RBMS1: variants seen among roughly 807,000 people sequenced by gnomAD.
The protein encoded by RBMS1 is RNA binding motif single stranded interacting protein 1, also known as RNA-binding motif, single-stranded-interacting protein 1.
Under a neutral mutation model 62.3 loss-of-function variants are expected in RBMS1, and 17 were observed. That is an observed-to-expected ratio of 0.27 (90% confidence interval 0.19 to 0.41). The LOEUF (loss-of-function observed/expected upper bound fraction) is 0.41, where lower values mean the gene tolerates loss of function less well. Among genes scored for constraint, RBMS1 ranks in the 10% least tolerant of loss-of-function variants. The probability of loss-of-function intolerance (pLI) is 1.00; values close to 1 mark genes in which losing one functional copy is unlikely to be tolerated. For synonymous variants in RBMS1, 172 were observed against 170.0 expected (o/e 1.01, Z -0.09); for missense variants, 334 against 504.5 (o/e 0.66, Z 3.24).
In RBMS1 at chr2:160,275,639, A is replaced by G. The variant is rs1163107127; in HGVS notation, c.1219T>C (p.Ter407GlnextTer2). 3 of 1,613,352 alleles carry G rather than the reference A, an allele frequency of 1.9e-6. No homozygotes were observed. The highest frequency in any genetic ancestry group is 1.3e-5 in the African/African-American group (1 of 74,884). Residue 407 changes from the stop codon to glutamine, a stop_lost, in exon 13 of 14, where the codon TAA becomes CAA. Coordinates refer to ENST00000348849, the MANE Select transcript of RBMS1 (RefSeq NM_016836.4). ...HSPYTFQPNK[*>Q] ...GACCTTTCCCTCATACCTCACAGTT[A>G]CTTATTAGGTTGAAAGGTATATGGA...
rs756058655 is a variant in RBMS1, at chr2:160,281,373, G to C, written c.901-9C>G. ...CACGAAGGACTTTGCACCTAGAAAA[G>C]GGAGGATTTTGAAAGAAATATTGAT... On this transcript the variant is annotated splice_polypyrimidine_tract_variant and intron_variant, in intron 9 of 13. Transcript: ENST00000348849. The C allele has an allele frequency of 2.5e-6, 4 of 1,602,138 alleles. No individual in the cohort carries two copies. The African/African-American group carries it at 5.4e-5, about 21-fold the overall frequency.
intron 7 of RBMS1, among the ~76,000 whole-genome samples, chr2:160,285,547 AAT>A (rs1688337297): frequency 6.6e-6 from 1 of 152,098 alleles, no homozygotes; most frequent in South Asian, 2.1e-4. Flanking sequence ...TTCTTGGATC[AAT>A]ATGTTATTGT....
At chr2:160,335,559 A>G (rs4410242) in intron 2 of RBMS1, among the ~76,000 whole-genome samples, 114,163 of 152,144 alleles carry the variant, frequency 0.75, 43,544 homozygotes, top group East Asian at 0.84. Flanking sequence ...AAGCTAAAGT[A>G]TGTTTGGGTT....
At chr2:160,352,641 C>T (rs1015549583) in intron 2 of RBMS1, among the ~76,000 whole-genome samples, 2 of 152,104 alleles carry the variant, frequency 1.3e-5, no homozygotes, top group African/African-American at 2.4e-5. Context: ...TGTAACTCTG[C>T]GTTGGTATTC....
chr2:160,342,387 G>A (rs912625529), intron 2 of RBMS1, among the ~76,000 whole-genome samples: 1 of 152,122 alleles, frequency 6.6e-6, no homozygotes, highest in Non-Finnish European at 1.5e-5. Flanking sequence ...TTAAGACTAA[G>A]TTAGAGTCAC....
At chr2:160,381,285 G>A (rs532303864) in intron 1 of RBMS1, among the ~76,000 whole-genome samples, 64 of 151,940 alleles carry the variant, frequency 4.2e-4, no homozygotes, top group African/African-American at 1.5e-3. Context: ...TAGTAAAATG[G>A]GTAAAAATGG....
At chr2:160,311,232 CTATATA>C (rs10530445) in intron 4 of RBMS1, among the ~76,000 whole-genome samples, 28 of 79,250 alleles carry the variant, frequency 3.5e-4, no homozygotes, top group African/African-American at 1.1e-3. Context: ...ATCTATCTAT[CTATATA>C]TATATATATA....
At chr2:160,276,977 A>C (rs1437229698) in intron 12 of RBMS1, among the ~76,000 whole-genome samples, 1 of 152,186 alleles carries the variant, frequency 6.6e-6, no homozygotes, top group East Asian at 1.9e-4. Context: ...TCCAGGGCTC[A>C]AGGGTTCTTC....
chr2:160,331,881 G>T (rs1048778407), intron 2 of RBMS1, among the ~76,000 whole-genome samples: 1 of 152,228 alleles, frequency 6.6e-6, no homozygotes, highest in East Asian at 1.9e-4. Flanking sequence ...CAGGGAGGGT[G>T]CTGCAGAGCA....
chr2:160,392,062 T>C (rs564416845), intron 1 of RBMS1, among the ~76,000 whole-genome samples: 1 of 152,300 alleles, frequency 6.6e-6, no homozygotes, highest in East Asian at 1.9e-4. Flanking sequence ...GCAAAAGAAC[T>C]ATCTAGTCAA....
At chr2:160,384,590 G>A (rs1694467577) in intron 1 of RBMS1, among the ~76,000 whole-genome samples, 1 of 152,156 alleles carries the variant, frequency 6.6e-6, no homozygotes, top group African/African-American at 2.4e-5. Context: ...ATCCCACCAT[G>A]GTCACTCACT....
chr2:160,303,461 G>A lies in RBMS1; in HGVS notation c.429C>T (p.Leu143=). 1 of 1,611,718 alleles carries A rather than the reference G, an allele frequency of 6.2e-7. No individual in the cohort carries two copies. The highest frequency in any genetic ancestry group is 1.1e-5 in the South Asian group (1 of 90,564). The change falls in exon 5 of 14, where the codon CTC becomes CTT. Residue 143 remains leucine (L), a synonymous_variant. Transcript: ENST00000348849. ...TGGAGAGTGGCAAATTAGAAATGTA[G>A]AGGTTGGTAGGATCTTGTTCCTGTT... is the stretch of plus-strand genomic sequence containing the variant. ...AKQQEQDPTN[L]YISNLPLSMD... is the part of the protein sequence containing the mutation.
chr2:160,332,696 G>A (rs1249958286), intron 2 of RBMS1, among the ~76,000 whole-genome samples: 1 of 152,058 alleles, frequency 6.6e-6, no homozygotes, highest in Non-Finnish European at 1.5e-5. Flanking sequence ...GATTTTACAG[G>A]TCTGTCAAAA....
intron 1 of RBMS1, among the ~76,000 whole-genome samples, chr2:160,486,658 A>C (rs906507751): frequency 6.6e-6 from 1 of 152,200 alleles, no homozygotes; most frequent in African/African-American, 2.4e-5. Flanking sequence ...GCAGAGGTGA[A>C]TATCTTATTT....
Position 160,491,050 on chromosome 2 carries a change from C to A in RBMS1, c.75+2239G>T, listed in dbSNP as rs573040484. ...TTTTAAACTAACTACAAATCAAAGT[C>A]TTTTTTTTTTTAAATGATTCAACAT... On this transcript the variant is annotated intron_variant, in intron 1 of 13. Coordinates refer to ENST00000348849, the MANE Select transcript of RBMS1 (RefSeq NM_016836.4). 3.4e-5 allele frequency among the ~76,000 whole-genome samples: 5 copies of A among 145,762 alleles called. No homozygotes were observed. In the South Asian group the frequency reaches 1.1e-3, roughly 32 times the overall value.
At chr2:160,376,522 T>C (rs955777888) in intron 1 of RBMS1, among the ~76,000 whole-genome samples, 3 of 152,206 alleles carry the variant, frequency 2.0e-5, no homozygotes, top group Non-Finnish European at 1.5e-5. Flanking sequence ...TTTCTCATGG[T>C]AAAATCTAGT....
At chr2:160,421,919 T>G (rs1696447602) in intron 1 of RBMS1, among the ~76,000 whole-genome samples, 1 of 152,214 alleles carries the variant, frequency 6.6e-6, no homozygotes, top group Non-Finnish European at 1.5e-5. Context: ...CATTTTTTCA[T>G]GTGTCTGTTG....
chr2:160,318,063 TG>T, intron 3 of RBMS1, 105 bp downstream of exon 3: 1 of 1,475,730 alleles, frequency 6.8e-7, no homozygotes, highest in Non-Finnish European at 9.1e-7. Flanking sequence ...ATATAAGATC[TG>T]GTTTTTAATA....
At chr2:160,406,524 G>A (rs375120651) in intron 1 of RBMS1, among the ~76,000 whole-genome samples, 1 of 152,134 alleles carries the variant, frequency 6.6e-6, no homozygotes, top group South Asian at 2.1e-4. Context: ...TTATTATGGA[G>A]GAAAAATATC....
Sources: gnomAD v4.1 joint callset for allele counts (sites outside exome capture counted in the v4.1 genomes callset) on GRCh38, gnomAD v4.1.1 for gene constraint, MANE v1.5 for transcripts, NCBI Gene and HGNC (gene_info 2026-07-23, HGNC 2026-07-21) for gene names.